The following SYNM variants were observed in gnomAD, a reference collection of about 807,000 sequenced individuals.
The protein encoded by SYNM is synemin.
Under a neutral mutation model 104.0 loss-of-function variants are expected in SYNM, and 95 were observed. The observed-to-expected ratio is 0.91, with a 90% CI of 0.77 to 1.08. The LOEUF (loss-of-function observed/expected upper bound fraction) is 1.08. Ranked by LOEUF, SYNM falls within the 50% of genes least tolerant of loss-of-function variation. SYNM has a pLI of 0.00. For missense variants in SYNM, 2,150 were observed against 2,052.2 expected (o/e 1.05, Z -0.92); for synonymous variants, 918 against 869.0 (o/e 1.06, Z -0.99).
chr15:99,105,364 G>C lies in SYNM; in HGVS notation c.165G>C (p.Glu55Asp), dbSNP rs1555482374. ...GCGGGCGAGAGGGCCTGTGGGCCGA[G>C]GGGCAGGCCCGCTGCGCCGAGGAGG... ...GRRGREGLWAEGQARCAEEAR... is the reference protein window; with the variant it reads ...GRRGREGLWADGQARCAEEAR... Residue 55 changes from glutamate to aspartate, a missense_variant, in exon 1 of 4, where the codon GAG (glutamate) becomes GAC (aspartate). Transcript: ENST00000336292. 6.5e-7 allele frequency: 1 copy of C among 1,529,616 alleles called. No individual in the cohort carries two copies. The highest frequency in any genetic ancestry group is 8.8e-7 in the Non-Finnish European group (1 of 1,142,638). The allele number at this position is 1,529,616 out of a possible 1,614,324, so 94.8% of individuals were successfully genotyped here. A position where few individuals can be genotyped will look rare whatever the true frequency, so the allele number is the denominator to read the frequency against.
Position 99,131,173 on chromosome 15 carries a change from A to C in SYNM, c.2813A>C (p.Lys938Thr), listed in dbSNP as rs1555485776. ...CCCCACGAATTCCACACCTCCATGA[A>C]GGGCATCTCCTCCAAGGAGCCCCGG... ...KIPHEFHTSM[K>T]GISSKEPRQQ... Residue 938 changes from lysine to threonine, a missense_variant, in exon 4 of 4, where the codon AAG (lysine) becomes ACG (threonine). By Grantham distance (78) the Lys-to-Thr change is moderately conservative (BLOSUM62 -1). Coordinates refer to ENST00000336292, the MANE Select transcript of SYNM (RefSeq NM_145728.3). The surrounding 1 kb of genome is among the most constrained non-coding windows in gnomAD (Gnocchi z 4.3). The C allele has an allele frequency of 6.2e-7, 1 of 1,606,476 alleles. No individual in the cohort carries two copies. The highest frequency in any genetic ancestry group is 1.7e-5 in the Admixed American group (1 of 58,732).
chr15:99,131,786 TG>T lies in SYNM; in HGVS notation c.3427del (p.Glu1143LysfsTer10). 6.2e-7 allele frequency: 1 copy of T among 1,613,960 alleles called. No individual in the cohort carries two copies. Among genetic ancestry groups the T allele is most frequent in the Non-Finnish European group, 8.5e-7 (1 of 1,179,902 alleles). The part of the protein sequence containing the change: ...EVWRTERMSY[E>X]GPTAEVVEVS... ...TCTGGAGGACTGAGCGAATGTCATATGAAGGACCCACTGCAGAAGTGGTGGA... is the reference window on the plus strand; with the variant it reads ...TCTGGAGGACTGAGCGAATGTCATATAAGGACCCACTGCAGAAGTGGTGGA... On this transcript the variant is annotated frameshift_variant, in exon 4 of 4. Coordinates refer to ENST00000336292, the MANE Select transcript of SYNM (RefSeq NM_145728.3). LOFTEE classifies it high-confidence loss of function. The surrounding 1 kb of genome is among the most constrained non-coding windows in gnomAD (Gnocchi z 4.3).
chr15:99,130,869 G>T lies in SYNM; in HGVS notation c.2509G>T (p.Glu837Ter). 1 of 1,613,970 alleles carries T rather than the reference G, an allele frequency of 6.2e-7. No individual in the cohort carries two copies. Reference sequence around the variant, plus strand: ...GAGTTATTTTGTGTCCACTCCAGATGAACACCCCGGGGGGCACGACAGAGA... The same window carrying T: ...GAGTTATTTTGTGTCCACTCCAGATTAACACCCCGGGGGGCACGACAGAGA... The part of the protein sequence containing the change: ...EQSYFVSTPD[E>*]HPGGHDRDDG... Residue 837 changes from glutamate (E) to a stop codon, truncating the protein, a stop_gained, in exon 4 of 4, where the codon GAA becomes TAA. Coordinates refer to ENST00000336292, the MANE Select transcript of SYNM (RefSeq NM_145728.3). LOFTEE classifies it high-confidence loss of function.
chr15:99,131,814 G>C lies in SYNM; in HGVS notation c.3454G>C (p.Val1152Leu). The change falls in exon 4 of 4, where the codon GTA (valine) becomes CTA (leucine). Residue 1152 changes from valine (V) to leucine (L), a missense_variant. Coordinates refer to ENST00000336292, the MANE Select transcript of SYNM (RefSeq NM_145728.3). This position sits in a 1 kb window ranked among gnomAD's most constrained non-coding sequence, Gnocchi z 4.3. ...AGGACCCACTGCAGAAGTGGTGGAGGTAAGTGCGGGAGGTGACCTAAGTCA... is the reference window on the plus strand; with the variant it reads ...AGGACCCACTGCAGAAGTGGTGGAGCTAAGTGCGGGAGGTGACCTAAGTCA... The part of the protein sequence containing the change: ...YEGPTAEVVE[V>L]SAGGDLSQAA... 1.9e-6 allele frequency: 3 copies of C among 1,613,974 alleles called. 1 individual carries two copies. The highest frequency in any genetic ancestry group is 3.3e-4 in the Middle Eastern group (2 of 6,062).
At chr15:99,126,158 C>A (rs1372863421) in intron 2 of SYNM, among the ~76,000 whole-genome samples, 7 of 152,208 alleles carry the variant, frequency 4.6e-5, no homozygotes, top group African/African-American at 1.7e-4. Flanking sequence ...CCTTCTACTT[C>A]TTTTTGTCGT....
At position 99,105,812 on chromosome 15, in the gene SYNM, G is replaced by C. The variant is rs1555482606; in HGVS notation, c.613G>C (p.Glu205Gln). 1.3e-6 allele frequency: 2 copies of C among 1,542,048 alleles called. No individual in the cohort carries two copies. The highest frequency in any genetic ancestry group is 2.8e-5 in the African/African-American group (2 of 72,186). Residue 205 changes from glutamate to glutamine, a missense_variant, in exon 1 of 4, where the codon GAG becomes CAG. Transcript: ENST00000336292. ...WRETVQLYED[E>Q]VRELEEALRR... is the part of the protein sequence containing the mutation. ...GGAGACGGTGCAGCTGTACGAGGAC[G>C]AGGTGCGCGAGCTGGAGGAGGCGCT...
rs1158563460 is a variant in SYNM, at chr15:99,105,586, C to T, written c.387C>T (p.Ala129=). 67 of 1,152,210 alleles carry T rather than the reference C, an allele frequency of 5.8e-5. No individual in the cohort carries two copies. The highest frequency in any genetic ancestry group is 6.9e-5 in the Non-Finnish European group (65 of 935,992). The allele number at this position is 1,152,210 out of a possible 1,614,324, so 71.4% of individuals were successfully genotyped here. ...ELQEALGARA[A]LEALLGRLQA... is the part of the protein sequence containing the mutation. ...AGGAGGCGCTGGGCGCGCGCGCCGC[C>T]CTCGAGGCGCTGCTGGGCCGGCTGC... Residue 129 remains alanine (A), a synonymous_variant, in exon 1 of 4, where the codon GCC becomes GCT. Coordinates refer to ENST00000336292, the MANE Select transcript of SYNM (RefSeq NM_145728.3).
At chr15:99,123,632 C>T (rs536034051) in intron 2 of SYNM, among the ~76,000 whole-genome samples, 137 of 152,372 alleles carry the variant, frequency 9.0e-4, no homozygotes, top group African/African-American at 3.2e-3. Context: ...AGGGAGGCGG[C>T]TCTGCGGCTC....
rs782487161 is a variant in SYNM at position 99,129,535 on chromosome 15, G to A, written c.1175G>A (p.Gly392Asp). 19 of 1,613,982 alleles carry A rather than the reference G, an allele frequency of 1.2e-5. No homozygotes were observed. Among genetic ancestry groups the A allele is most frequent in the Admixed American group, 1.7e-5 (1 of 60,026 alleles). The change falls in exon 4 of 4, where the codon GGT becomes GAT. Residue 392 changes from glycine to aspartate, a missense_variant. Physicochemically the swap from Gly to Asp is moderately conservative, Grantham distance 94. Transcript: ENST00000336292. ...RGSQTGTSIG[G>D]DARRGFLGSG... is the part of the protein sequence containing the mutation. ...TCTCAGACGGGCACATCTATTGGAG[G>A]TGATGCCAGAAGAGGCTTCTTGGGC... is the stretch of plus-strand genomic sequence containing the variant.
At chr15:99,119,409 A>G (rs1203112874) in intron 2 of SYNM, among the ~76,000 whole-genome samples, 2 of 152,192 alleles carry the variant, frequency 1.3e-5, no homozygotes, top group Non-Finnish European at 2.9e-5. Flanking sequence ...TCGTGCGCAC[A>G]CTGCTGTTGG....
chr15:99,117,561 G>T (rs2067361022), intron 2 of SYNM, among the ~76,000 whole-genome samples: 1 of 152,202 alleles, frequency 6.6e-6, no homozygotes, highest in East Asian at 1.9e-4. Context: ...AGGGCAGTTG[G>T]ATTTTTCTAT....
chr15:99,111,228 G>A (rs1244350288), intron 1 of SYNM, among the ~76,000 whole-genome samples: 14 of 152,076 alleles, frequency 9.2e-5, no homozygotes, highest in South Asian at 2.1e-4. Flanking sequence ...AGCTTTCATC[G>A]TATTTTTTTT....
intron 1 of SYNM, among the ~76,000 whole-genome samples, chr15:99,111,541 G>A (rs2067299716): frequency 6.6e-6 from 1 of 152,194 alleles, no homozygotes; most frequent in African/African-American, 2.4e-5. Flanking sequence ...TTCTCTGTTT[G>A]TAATGCCAGC....
chr15:99,127,462 G>C lies in SYNM; in HGVS notation c.1006+670G>C, dbSNP rs2067458108. 2.0e-5 allele frequency among the ~76,000 whole-genome samples: 3 copies of C among 152,160 alleles called. No homozygotes were observed. The South Asian group carries it at 6.2e-4, about 32-fold the overall frequency. ...TTAAAGCCCTATAGAATCTTGAAGAGCTCTGGCTAAGCAAGTGTCGATTAA... is the reference window on the plus strand; with the variant it reads ...TTAAAGCCCTATAGAATCTTGAAGACCTCTGGCTAAGCAAGTGTCGATTAA... On this transcript the variant is annotated intron_variant, in intron 3 of 3. Coordinates refer to ENST00000336292, the MANE Select transcript of SYNM (RefSeq NM_145728.3).
At position 99,134,207 on chromosome 15, in the gene SYNM, TTAAA is replaced by T. The variant is rs1555486391; in HGVS notation, c.*1152_*1155del. 1 of 152,008 alleles carries T rather than the reference TTAAA, an allele frequency of 6.6e-6. No individual in the cohort carries two copies. The highest frequency in any genetic ancestry group is 2.4e-5 in the African/African-American group (1 of 41,378). 9.4% of individuals were successfully genotyped at this position (152,008 alleles called of 1,614,324 possible). ...GTGTTTTGTCCAGGGAAACAGTTTA[TTAAA>T]TAGAAGGATGTTTTGGGGAAGGAAC... is the stretch of plus-strand genomic sequence containing the variant. On this transcript the variant is annotated 3_prime_UTR_variant, in exon 4 of 4. Transcript: ENST00000336292.
In SYNM at chr15:99,133,824, C is replaced by T. The variant is rs1292023816; in HGVS notation, c.*766C>T. 1 of 123,060 alleles carries T rather than the reference C, an allele frequency of 8.1e-6. No homozygotes were observed. Among genetic ancestry groups the T allele is most frequent in the Non-Finnish European group, 1.7e-5 (1 of 58,718 alleles). 7.6% of individuals were successfully genotyped at this position (123,060 alleles called of 1,614,324 possible). A position where few individuals can be genotyped will look rare whatever the true frequency, so the allele number is the denominator to read the frequency against. Reference sequence around the variant, plus strand: ...TTTGGCACTAGGTCATTAAGTAGCACACAGTCTGAATGCCCTTTTCTGGAG... The same window carrying T: ...TTTGGCACTAGGTCATTAAGTAGCATACAGTCTGAATGCCCTTTTCTGGAG... On this transcript the variant is annotated 3_prime_UTR_variant, in exon 4 of 4. Coordinates refer to ENST00000336292, the MANE Select transcript of SYNM (RefSeq NM_145728.3).
Position 99,132,603 on chromosome 15 carries a change from G to C in SYNM, c.4243G>C (p.Glu1415Gln). 1 of 1,614,016 alleles carries C rather than the reference G, an allele frequency of 6.2e-7. No homozygotes were observed. The highest frequency in any genetic ancestry group is 1.3e-5 in the African/African-American group (1 of 75,050). The change falls in exon 4 of 4, where the codon GAA (glutamate) becomes CAA (glutamine). Residue 1415 changes from glutamate (E) to glutamine (Q), a missense_variant. Coordinates refer to ENST00000336292, the MANE Select transcript of SYNM (RefSeq NM_145728.3). Reference sequence around the variant, plus strand: ...AGGTCCTACAGAAACGGAAACCTCTGAACACATTGCCATCCGTGGACCCGT... The same window carrying C: ...AGGTCCTACAGAAACGGAAACCTCTCAACACATTGCCATCCGTGGACCCGT... ...RLGPTETETS[E>Q]HIAIRGPVSR... is the part of the protein sequence containing the mutation.
intron 1 of SYNM, among the ~76,000 whole-genome samples, chr15:99,107,059 C>T (rs2067252392): frequency 6.6e-6 from 1 of 152,192 alleles, no homozygotes; most frequent in Non-Finnish European, 1.5e-5. Context: ...CTCCCTGGGT[C>T]CCCAGCACTG....
At chr15:99,116,829 A>G (rs2151802296) in intron 2 of SYNM, among the ~76,000 whole-genome samples, 1 of 143,604 alleles carries the variant, frequency 7.0e-6, no homozygotes, top group Admixed American at 7.1e-5. Flanking sequence ...GGCACCTGCC[A>G]CCATGCCTGG....
Sources: gnomAD v4.1 joint callset for allele counts (sites outside exome capture counted in the v4.1 genomes callset) on GRCh38, gnomAD v4.1.1 for gene constraint, Gnocchi (gnomAD v3.1) non-coding constraint, MANE v1.5 for transcripts, NCBI Gene and HGNC (gene_info 2026-07-23, HGNC 2026-07-21) for gene names.